GSDME: variants seen among roughly 807,000 people sequenced by gnomAD.
GSDME encodes gasdermin-E.
A neutral mutation model predicts 47.5 loss-of-function variants in GSDME; 44 were observed. The observed-to-expected ratio is 0.93, with a 90% CI of 0.73 to 1.19. GSDME has a LOEUF of 1.19. GSDME is among the 50% of genes most tolerant of loss of function. GSDME has a pLI of 0.00. For synonymous variants in GSDME, 258 were observed against 252.8 expected (o/e 1.02, Z -0.20); for missense variants, 663 against 604.2 (o/e 1.10, Z -1.02).
In GSDME at chr7:24,721,884, G is replaced by T. The variant is rs887353818; in HGVS notation, c.405-2666C>A. On this transcript the variant is annotated intron_variant, in intron 3 of 9. Transcript: ENST00000645220. The surrounding 1 kb of genome is among the most constrained non-coding windows in gnomAD (Gnocchi z 4.1). Reference sequence around the variant, plus strand: ...TTACTACTCCTTAAAAATGCCAGGTGTGTGCCTACCCCGAGGCGTTGGCAC... The same window carrying T: ...TTACTACTCCTTAAAAATGCCAGGTTTGTGCCTACCCCGAGGCGTTGGCAC... 2.6e-5 allele frequency among the ~76,000 whole-genome samples: 4 copies of T among 152,162 alleles called. No individual in the cohort carries two copies. Among genetic ancestry groups the T allele is most frequent in the Non-Finnish European group, 5.9e-5 (4 of 68,022 alleles).
the GSDME span, among the ~76,000 whole-genome samples, chr7:24,787,344 G>A: frequency 1.2e-4 from 18 of 152,296 alleles, no homozygotes; most frequent in African/African-American, 3.4e-4. This position sits in a 1 kb window ranked among gnomAD's most constrained non-coding sequence, Gnocchi z 5.0. Context: ...GAAGCACATC[G>A]TTGTAAACCA....
intron 3 of GSDME, among the ~76,000 whole-genome samples, chr7:24,738,262 A>G (rs1374439091): frequency 2.0e-5 from 3 of 152,192 alleles, no homozygotes; most frequent in Non-Finnish European, 4.4e-5. Context: ...AAGCCAATAA[A>G]CAAATTCACT....
At chr7:24,759,935 A>G (rs542330598), upstream of GSDME, among the ~76,000 whole-genome samples, 7 of 152,374 alleles carry the variant, frequency 4.6e-5, no homozygotes, top group South Asian at 1.2e-3. Flanking sequence ...TTTCAGATGA[A>G]CATATACAAC....
At chr7:24,751,626 G>T (rs1178596507) in intron 1 of GSDME, among the ~76,000 whole-genome samples, 1 of 152,174 alleles carries the variant, frequency 6.6e-6, no homozygotes, top group Non-Finnish European at 1.5e-5. Flanking sequence ...AAATATGCAA[G>T]GAAGTTCCTT....
In GSDME at chr7:24,736,316, T is replaced by G. The variant is rs1424800386; in HGVS notation, c.404+8246A>C. Among the ~76,000 whole-genome samples the G allele has an allele frequency of 6.6e-6, 1 of 151,412 alleles. No homozygotes were observed. The highest frequency in any genetic ancestry group is 1.5e-5 in the Non-Finnish European group (1 of 67,884). On this transcript the variant is annotated intron_variant, in intron 3 of 9. Transcript: ENST00000645220. The surrounding 1 kb of genome is among the most constrained non-coding windows in gnomAD (Gnocchi z 4.6). ...TATAAAGACACATATAGACTGAAAATAAAGGGATGGAAAAAGCCCATGCAA... is the reference window on the plus strand; with the variant it reads ...TATAAAGACACATATAGACTGAAAAGAAAGGGATGGAAAAAGCCCATGCAA...
At chr7:24,760,467 G>A (rs1243570637), upstream of GSDME, among the ~76,000 whole-genome samples, 1 of 152,110 alleles carries the variant, frequency 6.6e-6, no homozygotes, top group Non-Finnish European at 1.5e-5. The surrounding 1 kb of genome is among the most constrained non-coding windows in gnomAD (Gnocchi z 4.2). Flanking sequence ...GTGACTTTAG[G>A]CAAATTGTAT....
chr7:24,745,974 C>T lies in GSDME; in HGVS notation c.212-1220G>A, dbSNP rs1562713570. 6.6e-6 allele frequency among the ~76,000 whole-genome samples: 1 copy of T among 152,158 alleles called. No individual in the cohort carries two copies. The highest frequency in any genetic ancestry group is 1.5e-5 in the Non-Finnish European group (1 of 68,038). Reference sequence around the variant, plus strand: ...CCTTTTCCATTGTCCTGACCCAAGGCTCTCCTGGGCTCCCGGCTGCCCTTC... The same window carrying T: ...CCTTTTCCATTGTCCTGACCCAAGGTTCTCCTGGGCTCCCGGCTGCCCTTC... On this transcript the variant is annotated intron_variant, in intron 2 of 9. Coordinates refer to ENST00000645220, the MANE Select transcript of GSDME (RefSeq NM_001127453.2). This position sits in a 1 kb window ranked among gnomAD's most constrained non-coding sequence, Gnocchi z 4.4.
Position 24,706,318 on chromosome 7 carries a change from G to A in GSDME, c.1049C>T (p.Pro350Leu). Residue 350 changes from proline (P) to leucine (L), a missense_variant, in exon 8 of 10, where the codon CCC becomes CTC. By Grantham distance (98) the Pro-to-Leu change is moderately conservative (BLOSUM62 -3). Coordinates refer to ENST00000645220, the MANE Select transcript of GSDME (RefSeq NM_001127453.2). ...GGCCACAAGGTCCTGCTGCTGCCGG[G>A]GCTTCAGCTCCCCCAGCACCGCCAC... ...PTVAVLGELK[P>L]RQQQDLVAFL... 1 of 1,613,682 alleles carries A rather than the reference G, an allele frequency of 6.2e-7. No individual in the cohort carries two copies. Among genetic ancestry groups the A allele is most frequent in the Non-Finnish European group, 8.5e-7 (1 of 1,179,968 alleles).
intron 8 of GSDME, chr7:24,704,451 T>G (rs1789011272): frequency 6.6e-6 from 1 of 152,022 alleles, no homozygotes; most frequent in Admixed American, 6.5e-5. Context: ...GAGAAGATTA[T>G]ATTAAGAGGA....
chr7:24,741,273 CAAATG>C (rs1200896859), intron 3 of GSDME, among the ~76,000 whole-genome samples: 3 of 151,054 alleles, frequency 2.0e-5, no homozygotes, highest in African/African-American at 7.3e-5. Flanking sequence ...ACAAGGCAGA[CAAATG>C]AAAAGCGTAT....
intron 9 of GSDME, among the ~76,000 whole-genome samples, chr7:24,699,887 C>G (rs1236260321): frequency 1.3e-5 from 2 of 152,144 alleles, no homozygotes; most frequent in Non-Finnish European, 2.9e-5. Flanking sequence ...GATATTAGAA[C>G]TTTCTTATAT....
At chr7:24,702,540 T>C in intron 9 of GSDME, 2 of 498,230 alleles carry the variant, frequency 4.0e-6, no homozygotes, top group Non-Finnish European at 7.7e-6. Flanking sequence ...GTCCTGGACC[T>C]GCTAACAAGT....
the GSDME span, among the ~76,000 whole-genome samples, chr7:24,780,624 A>G: frequency 6.6e-5 from 10 of 152,192 alleles, no homozygotes; most frequent in Non-Finnish European, 1.2e-4. This position sits in a 1 kb window ranked among gnomAD's most constrained non-coding sequence, Gnocchi z 4.1. Context: ...CTTCTGTGAA[A>G]TCTTCCCTGA....
the GSDME span, among the ~76,000 whole-genome samples, chr7:24,773,160 TA>T: frequency 1.3e-5 from 2 of 152,018 alleles, no homozygotes; most frequent in African/African-American, 4.8e-5. This position sits in a 1 kb window ranked among gnomAD's most constrained non-coding sequence, Gnocchi z 5.4. Flanking sequence ...TCAGTGACAA[TA>T]AAAAAAATGT....
chr7:24,791,797 T>A, the GSDME span, among the ~76,000 whole-genome samples: 1 of 152,202 alleles, frequency 6.6e-6, no homozygotes, highest in African/African-American at 2.4e-5. The surrounding 1 kb of genome is among the most constrained non-coding windows in gnomAD (Gnocchi z 4.8). Context: ...AGGGCTGACT[T>A]ATTGATAAAC....
At chr7:24,775,321 A>AT in the GSDME span, among the ~76,000 whole-genome samples, 2 of 152,208 alleles carry the variant, frequency 1.3e-5, no homozygotes, top group African/African-American at 4.8e-5. Context: ...CTGCTAGTTA[A>AT]TTTTTTGATA....
intron 9 of GSDME, chr7:24,702,312 G>A (rs989069551): frequency 4.7e-5 from 12 of 256,354 alleles, no homozygotes; most frequent in Non-Finnish European, 8.4e-5. Flanking sequence ...TCCTGAAAGT[G>A]GATGAAAGAA....
chr7:24,765,420 A>G, the GSDME span, among the ~76,000 whole-genome samples: 4 of 152,192 alleles, frequency 2.6e-5, no homozygotes, highest in Non-Finnish European at 5.9e-5. Context: ...TTTCAAGTTC[A>G]GCCTAAAGGT....
chr7:24,759,492 T>C (rs1190768162), upstream of GSDME, among the ~76,000 whole-genome samples: 1 of 152,208 alleles, frequency 6.6e-6, no homozygotes, highest in East Asian at 1.9e-4. Context: ...CTGTCTACTG[T>C]CACCAAGCAT....
Sources: allele counts gnomAD v4.1 joint callset (sites outside exome capture counted in the v4.1 genomes callset), GRCh38; gene constraint gnomAD v4.1.1; non-coding constraint Gnocchi (gnomAD v3.1); transcripts MANE v1.5; gene names NCBI Gene and HGNC (gene_info 2026-07-23, HGNC 2026-07-21).